Variants in TRPM3 observed in about 807,000 individuals in gnomAD.
The protein encoded by TRPM3 is long transient receptor potential channel 3.
TRPM3 carries 77 observed loss-of-function variants against 181.2 expected under a neutral mutation model. That is an observed-to-expected ratio of 0.42 (90% CI 0.35 to 0.51). The LOEUF is 0.51. TRPM3 is among the 20% of genes least tolerant of loss of function. TRPM3 has a pLI of 0.01. For missense variants in TRPM3, 1,759 were observed against 2,196.7 expected, an observed-to-expected ratio of 0.80 and a Z score of 3.98; for synonymous variants, 745 against 796.4, an observed-to-expected ratio of 0.94 and a Z score of 1.09.
chr9:70,992,122 C>G (rs1026535814), intron 1 of TRPM3, among the ~76,000 whole-genome samples: 3 of 152,166 alleles, frequency 2.0e-5, no homozygotes, highest in African/African-American at 7.2e-5. Context: ...AAGTTACTTC[C>G]TTTAAAAGTG....
At chr9:70,903,131 C>T (rs753546922) in intron 1 of TRPM3, among the ~76,000 whole-genome samples, 5 of 152,178 alleles carry the variant, frequency 3.3e-5, no homozygotes, top group Admixed American at 6.5e-5. Context: ...AAGATGACTC[C>T]GTGTTGGTTT....
At chr9:71,376,133 AGGAGGTG>A (rs1275220369) in intron 1 of TRPM3, among the ~76,000 whole-genome samples, 1 of 151,972 alleles carries the variant, frequency 6.6e-6, no homozygotes, top group Admixed American at 6.6e-5. Flanking sequence ...TTGGGTGGTG[AGGAGGTG>A]GGGTGATATT....
chr9:71,199,422 G>T (rs1036656571), intron 1 of TRPM3, among the ~76,000 whole-genome samples: 3 of 152,004 alleles, frequency 2.0e-5, no homozygotes, highest in African/African-American at 2.4e-5. Context: ...CTTTTTCTAT[G>T]GATTGGAATA....
intron 1 of TRPM3, among the ~76,000 whole-genome samples, chr9:71,030,697 C>G (rs1777890650): frequency 6.6e-6 from 1 of 151,988 alleles, no homozygotes; most frequent in Non-Finnish European, 1.5e-5. Context: ...GAATTTAGTG[C>G]AGCAATTATG....
chr9:71,252,828 C>T (rs1005044608), intron 1 of TRPM3, among the ~76,000 whole-genome samples: 1 of 146,336 alleles, frequency 6.8e-6, no homozygotes, highest in Non-Finnish European at 1.5e-5. Flanking sequence ...ATGCACACCT[C>T]GCCTGGCTAA....
At chr9:71,115,734 C>T (rs1039748971) in intron 1 of TRPM3, among the ~76,000 whole-genome samples, 4 of 152,164 alleles carry the variant, frequency 2.6e-5, no homozygotes, top group African/African-American at 9.7e-5. Context: ...GCCATTTCCT[C>T]CTCACTCCCC....
chr9:70,822,171 T>C (rs1331207136), intron 6 of TRPM3, among the ~76,000 whole-genome samples: 4 of 152,260 alleles, frequency 2.6e-5, no homozygotes, highest in African/African-American at 9.6e-5. Context: ...CGTAATTCTC[T>C]GCTTTTCCTC....
At chr9:71,118,347 C>T (rs948667919) in intron 1 of TRPM3, among the ~76,000 whole-genome samples, 3 of 152,140 alleles carry the variant, frequency 2.0e-5, no homozygotes, top group African/African-American at 7.2e-5. Context: ...CATTCCAACA[C>T]TCATTGGGTT....
intron 1 of TRPM3, among the ~76,000 whole-genome samples, chr9:70,956,615 G>A (rs1022472713): frequency 6.6e-6 from 1 of 152,162 alleles, no homozygotes; most frequent in African/African-American, 2.4e-5. Context: ...GCTGGGCATG[G>A]TAATACGCCT....
chr9:71,089,360 A>G (rs1305579218), intron 1 of TRPM3, among the ~76,000 whole-genome samples: 1 of 151,392 alleles, frequency 6.6e-6, no homozygotes, highest in Non-Finnish European at 1.5e-5. Context: ...TATACAATAC[A>G]TATTTTTCTT....
At chr9:70,767,260 A>C (rs887195955) in intron 7 of TRPM3, among the ~76,000 whole-genome samples, 2 of 152,216 alleles carry the variant, frequency 1.3e-5, no homozygotes, top group Non-Finnish European at 2.9e-5. Context: ...GGAGATACTT[A>C]GCAGCTTTAG....
At chr9:71,399,695 AT>A (rs905849653) in intron 1 of TRPM3, among the ~76,000 whole-genome samples, 6 of 150,312 alleles carry the variant, frequency 4.0e-5, no homozygotes, top group Admixed American at 1.3e-4. Flanking sequence ...CGCCCAGCTA[AT>A]TTTTTTTTGT....
At chr9:71,052,253 T>C (rs2060142048) in intron 1 of TRPM3, among the ~76,000 whole-genome samples, 1 of 152,174 alleles carries the variant, frequency 6.6e-6, no homozygotes, top group Non-Finnish European at 1.5e-5. Context: ...TAAATGTTTG[T>C]CGAAGGCTAT....
chr9:70,887,999 C>T (rs1480909807), intron 1 of TRPM3, among the ~76,000 whole-genome samples: 3 of 152,176 alleles, frequency 2.0e-5, no homozygotes, highest in African/African-American at 4.8e-5. Context: ...AAACCAATGT[C>T]ACTTCTAATC....
rs572394660 is a variant in TRPM3 at position 70,674,956 on chromosome 9, A to G, written c.1345+6550T>C. ...TACAATTGTACAATTGTAATGGAAG[A>G]TGGGTCAGAACATAGAGATTCTCAT... On this transcript the variant is annotated intron_variant, in intron 9 of 25. Coordinates refer to ENST00000677713, the MANE Select transcript of TRPM3 (RefSeq NM_001366145.2). Among the ~76,000 whole-genome samples, 148 of 152,050 alleles carry G rather than the reference A, an allele frequency of 9.7e-4. 2 individuals are homozygous for G. The highest frequency in any genetic ancestry group is 3.5e-3 in the African/African-American group (144 of 41,494).
In TRPM3 at chr9:71,037,595, C is replaced by T. The variant is rs535371502; in HGVS notation, c.177+83583G>A. Among the ~76,000 whole-genome samples, 12 of 152,384 alleles carry T rather than the reference C, an allele frequency of 7.9e-5. No homozygotes were observed. In the South Asian group the frequency reaches 2.5e-3, roughly 32 times the overall value. The stretch of plus-strand genomic sequence containing the variant: ...GCTCCTCCAAAATTGAGTTACACGA[C>T]TGCACTTCTTGCTTACTGCAGTCTT... On this transcript the variant is annotated intron_variant, in intron 1 of 25. Transcript: ENST00000677713.
rs767766727 is a variant in TRPM3 at position 71,143,847 on chromosome 9, ATC to A, written c.184-279338_184-279337del. 2.6e-5 allele frequency among the ~76,000 whole-genome samples: 4 copies of A among 152,076 alleles called. No individual in the cohort carries two copies. The South Asian group carries it at 6.2e-4, about 24-fold the overall frequency. Reference sequence around the variant, plus strand: ...CTTTTTTCTCCCTAACCTCACCAGCATCTGTTATTTTTTGACTTTTTAATAAG... The same window carrying A: ...CTTTTTTCTCCCTAACCTCACCAGCATGTTATTTTTTGACTTTTTAATAAG... On this transcript the variant is annotated intron_variant, in intron 1 of 24. Transcript: ENST00000357533.
chr9:71,428,633 T>C (rs747599643), intron 1 of TRPM3, among the ~76,000 whole-genome samples: 5 of 152,170 alleles, frequency 3.3e-5, no homozygotes, highest in Non-Finnish European at 7.4e-5. Context: ...GCTTGACAAA[T>C]GTAATCTAAA....
rs867110110 is a variant in TRPM3, at chr9:71,369,682, G to A, written c.183+76971C>T. 1.3e-4 allele frequency among the ~76,000 whole-genome samples: 20 copies of A among 152,250 alleles called. No homozygotes were observed. The Middle Eastern group carries it at 0.01, about 78-fold the overall frequency. On this transcript the variant is annotated intron_variant, in intron 1 of 24. Transcript: ENST00000357533. ...CAAGCGTGAGACACCGCGCCCGGCC[G>A]GGAACAGTCAATTTTTCAATCGGGG...
Sources: allele counts gnomAD v4.1 joint callset (sites outside exome capture counted in the v4.1 genomes callset), GRCh38; gene constraint gnomAD v4.1.1; transcripts MANE v1.5; gene names NCBI Gene and HGNC (gene_info 2026-07-23, HGNC 2026-07-21).